Variants in ARHGEF28 observed in about 807,000 individuals in gnomAD.
The protein encoded by ARHGEF28 is Rho guanine nucleotide exchange factor 28, also known as 190 kDa guanine nucleotide exchange factor.
In ARHGEF28, 152 loss-of-function variants were observed where a neutral mutation model predicts 206.6. That is an observed-to-expected ratio of 0.74 (90% CI 0.64 to 0.84). ARHGEF28 has a LOEUF of 0.84. ARHGEF28 is among the 40% of genes least tolerant of loss of function. The probability of loss-of-function intolerance (pLI) is 0.00; values close to 1 mark genes in which losing one functional copy is unlikely to be tolerated. For missense variants in ARHGEF28, 2,028 were observed against 2,073.2 expected (o/e 0.98, Z 0.42); for synonymous variants, 763 against 776.4 (o/e 0.98, Z 0.29).
chr5:73,658,769 A>G (rs1312330058), intron 1 of ARHGEF28, among the ~76,000 whole-genome samples: 2 of 152,214 alleles, frequency 1.3e-5, no homozygotes, highest in Non-Finnish European at 2.9e-5. Context: ...CATTGGTATT[A>G]TAGACTATCT....
chr5:73,790,475 G>A (rs1754415454), intron 7 of ARHGEF28, among the ~76,000 whole-genome samples: 1 of 152,132 alleles, frequency 6.6e-6, no homozygotes, highest in African/African-American at 2.4e-5. Context: ...TTGAGGCCAA[G>A]GATTTCTTCC....
chr5:73,684,752 C>A, intron 1 of ARHGEF28, 89 bp from the exon 2 acceptor site: 2 of 1,137,504 alleles, frequency 1.8e-6, no homozygotes, highest in Admixed American at 4.9e-5. Context: ...TTGCTTCTCC[C>A]TCCACAATAT....
At chr5:73,732,015 C>CTT (rs530373615) in intron 2 of ARHGEF28, among the ~76,000 whole-genome samples, 123 of 130,576 alleles carry the variant, frequency 9.4e-4, no homozygotes, top group African/African-American at 3.2e-3. Flanking sequence ...ATTTAGTGAA[C>CTT]TTTTTTTTTT....
chr5:73,750,208 C>T (rs1751952953), intron 3 of ARHGEF28, among the ~76,000 whole-genome samples: 1 of 152,154 alleles, frequency 6.6e-6, no homozygotes, highest in Non-Finnish European at 1.5e-5. Flanking sequence ...TTAGACCAGG[C>T]AGACCCATCC....
At chr5:73,654,317 C>T (rs1363380653) in intron 1 of ARHGEF28, among the ~76,000 whole-genome samples, 1 of 152,152 alleles carries the variant, frequency 6.6e-6, no homozygotes, top group East Asian at 1.9e-4. Flanking sequence ...CTGGAGAAAC[C>T]AGGAAGGAAG....
Position 73,776,619 on chromosome 5 carries a change from C to T in ARHGEF28, c.763C>T (p.His255Tyr), listed in dbSNP as rs1482560618. ...SSETLTLTLNHTAEHLLEADI... is the reference protein window; with the variant it reads ...SSETLTLTLNYTAEHLLEADI... The stretch of plus-strand genomic sequence containing the variant: ...GGAAACGCTGACCCTGACCCTGAAC[C>T]ACACAGCCGAGCATTTGTTGGAGGC... The change falls in exon 6 of 36, where the codon CAC becomes TAC. Residue 255 changes from histidine (H) to tyrosine (Y), a missense_variant. By Grantham distance (83) the His-to-Tyr change is moderately conservative. Coordinates refer to ENST00000513042, the MANE Select transcript of ARHGEF28 (RefSeq NM_001177693.2). The T allele has an allele frequency of 1.2e-6, 2 of 1,613,934 alleles. No individual in the cohort carries two copies. The highest frequency in any genetic ancestry group is 1.7e-6 in the Non-Finnish European group (2 of 1,179,808).
chr5:73,854,527 A>C (rs2112605442), intron 14 of ARHGEF28, among the ~76,000 whole-genome samples: 1 of 152,290 alleles, frequency 6.6e-6, no homozygotes, highest in East Asian at 1.9e-4. Flanking sequence ...TCTGCATAGC[A>C]GGAACTTCTT....
At chr5:73,818,197 A>G (rs1756349753) in intron 9 of ARHGEF28, among the ~76,000 whole-genome samples, 1 of 152,148 alleles carries the variant, frequency 6.6e-6, no homozygotes, top group Non-Finnish European at 1.5e-5. Context: ...CATGCGGGGA[A>G]TGGAGACCTA....
chr5:73,765,110 G>A (rs2075434062), intron 4 of ARHGEF28, among the ~76,000 whole-genome samples: 1 of 152,018 alleles, frequency 6.6e-6, no homozygotes, highest in African/African-American at 2.4e-5. Flanking sequence ...TTGTTTTCTT[G>A]TAGTCCAGAC....
At chr5:73,714,590 A>C (rs1178644727) in intron 2 of ARHGEF28, among the ~76,000 whole-genome samples, 1 of 152,188 alleles carries the variant, frequency 6.6e-6, no homozygotes, top group African/African-American at 2.4e-5. Context: ...TGGTATCTAC[A>C]TCAACACAAT....
In ARHGEF28 at chr5:73,735,106, A is replaced by G. The variant is rs533863995; in HGVS notation, c.34-14731A>G. Among the ~76,000 whole-genome samples the G allele has an allele frequency of 3.8e-4, 58 of 152,178 alleles. 1 individual carries two copies. Among genetic ancestry groups the G allele is most frequent in the African/African-American group, 1.1e-3 (44 of 41,540 alleles). ...CTGGCACTCATTAGATATTCAATAA[A>G]TGTTTCTTCAATGAACAATACTGAA... On this transcript the variant is annotated intron_variant, in intron 2 of 35. Transcript: ENST00000513042.
Position 73,846,410 on chromosome 5 carries a change from A to C in ARHGEF28, c.1570A>C (p.Thr524Pro), listed in dbSNP as rs1416054060. 1 of 1,613,936 alleles carries C rather than the reference A, an allele frequency of 6.2e-7. No homozygotes were observed. The highest frequency in any genetic ancestry group is 1.1e-5 in the South Asian group (1 of 91,082). Residue 524 changes from threonine (T) to proline (P), a missense_variant, in exon 12 of 36, where the codon ACT becomes CCT. Coordinates refer to ENST00000513042, the MANE Select transcript of ARHGEF28 (RefSeq NM_001177693.2). ...GDELDSFETNTEPDFNISRAE... is the reference protein window; with the variant it reads ...GDELDSFETNPEPDFNISRAE... Reference sequence around the variant, plus strand: ...TGAATTGGACTCTTTTGAGACTAACACTGAACCGGATTTTAATATCTCCAG... The same window carrying C: ...TGAATTGGACTCTTTTGAGACTAACCCTGAACCGGATTTTAATATCTCCAG...
chr5:73,882,878 A>G (rs1242824975), intron 23 of ARHGEF28, among the ~76,000 whole-genome samples: 3 of 152,184 alleles, frequency 2.0e-5, no homozygotes, highest in Non-Finnish European at 4.4e-5. Context: ...GTTATATATC[A>G]GAAAAATCAA....
intron 7 of ARHGEF28, among the ~76,000 whole-genome samples, chr5:73,781,062 T>C (rs1753818615): frequency 6.6e-6 from 1 of 152,222 alleles, no homozygotes; most frequent in African/African-American, 2.4e-5. Flanking sequence ...TGTTCATTCA[T>C]TGAGTCCTTC....
chr5:73,663,447 C>A (rs886270299), intron 1 of ARHGEF28, among the ~76,000 whole-genome samples: 3 of 152,174 alleles, frequency 2.0e-5, no homozygotes, highest in African/African-American at 7.2e-5. Context: ...ACTTAAAGAC[C>A]AACATAAAGC....
At chr5:73,904,312 A>ATG (rs1323907414) in intron 32 of ARHGEF28, 46 bp from the exon 33 acceptor site, 3 of 1,612,990 alleles carry the variant, frequency 1.9e-6, no homozygotes, top group Admixed American at 3.3e-5. Flanking sequence ...TTTGTGGATA[A>ATG]TGAAAGCTTT....
intron 30 of ARHGEF28, 197 bp downstream of exon 30, chr5:73,898,290 A>C: frequency 1.8e-6 from 1 of 566,868 alleles, no homozygotes; most frequent in Non-Finnish European, 2.8e-6. Flanking sequence ...TGGGGTTTCA[A>C]GTATGAGGAT....
chr5:73,647,488 G>T (rs993249170), intron 1 of ARHGEF28, among the ~76,000 whole-genome samples: 1 of 152,138 alleles, frequency 6.6e-6, no homozygotes, highest in African/African-American at 2.4e-5. Context: ...TTAGCTTAGC[G>T]CTGTCCAATA....
chr5:73,675,750 A>AAG (rs1746621326), intron 1 of ARHGEF28, among the ~76,000 whole-genome samples: 1 of 151,242 alleles, frequency 6.6e-6, no homozygotes, highest in Non-Finnish European at 1.5e-5. Flanking sequence ...AAAAAAAAAA[A>AAG]AAAAGAAAAT....
Sources: allele counts gnomAD v4.1 joint callset (sites outside exome capture counted in the v4.1 genomes callset), GRCh38; gene constraint gnomAD v4.1.1; transcripts MANE v1.5; gene names NCBI Gene and HGNC (gene_info 2026-07-23, HGNC 2026-07-21).